Variants in FAAH2 observed in about 807,000 individuals in gnomAD.
FAAH2 encodes the protein fatty acid amide hydrolase 2, also known as fatty-acid amide hydrolase 2.
A neutral mutation model predicts 36.9 loss-of-function variants in FAAH2; 60 were observed. That is an observed-to-expected ratio of 1.63 (90% CI 1.32 to 2.02). The LOEUF is 2.02. Among genes scored for constraint, FAAH2 ranks in the 30% most tolerant of loss-of-function variants. The pLI is 0.00. For missense variants in FAAH2, 689 were observed against 397.5 expected, an observed-to-expected ratio of 1.73 and a Z score of -6.23; for synonymous variants, 214 against 143.8, an observed-to-expected ratio of 1.49 and a Z score of -3.49.
At chrX:57,209,339 G>A in the FAAH2 span, among the ~76,000 whole-genome samples, 1 of 112,201 alleles carries the variant, frequency 8.9e-6, no homozygotes, top group South Asian at 3.7e-4. Flanking sequence ...TCTTGATGTA[G>A]TACCTGGATA....
At chrX:57,452,489 A>G (rs1294767728) in intron 10 of FAAH2, 2 of 181,446 alleles carry the variant, frequency 1.1e-5, no homozygotes, top group Non-Finnish European at 1.7e-5. Context: ...TGAAATGTTC[A>G]TGTAGTCTAA....
chrX:57,242,286 C>T, the FAAH2 span, among the ~76,000 whole-genome samples: 2 of 112,671 alleles, frequency 1.8e-5, no homozygotes, highest in Non-Finnish European at 3.8e-5. Flanking sequence ...TGCTGTTCTG[C>T]AGCCTCTGCT....
At chrX:57,229,620 A>C in the FAAH2 span, among the ~76,000 whole-genome samples, 7 of 111,934 alleles carry the variant, frequency 6.3e-5, 1 homozygote, top group South Asian at 2.6e-3. Context: ...CTGGTACTGC[A>C]TGACTACTAT....
intron 2 of FAAH2, among the ~76,000 whole-genome samples, chrX:57,297,646 GAC>G (rs2052205506): frequency 2.2e-5 from 1 of 45,061 alleles, no homozygotes; most frequent in Non-Finnish European, 4.2e-5. Flanking sequence ...CCAATTAAAA[GAC>G]ACAGATTGGC....
the FAAH2 span, among the ~76,000 whole-genome samples, chrX:57,255,588 G>A: frequency 1.8e-5 from 2 of 111,815 alleles, no homozygotes; most frequent in African/African-American, 6.5e-5. Context: ...CAATAAAGTA[G>A]GCTTCATTCC....
intron 3 of FAAH2, among the ~76,000 whole-genome samples, chrX:57,325,122 T>A (rs2053171900): frequency 1.8e-5 from 2 of 112,367 alleles, no homozygotes; most frequent in African/African-American, 6.5e-5. Flanking sequence ...GTTGGTTCTG[T>A]TTATATGCTG....
chrX:57,441,328 G>C (rs745395295), intron 8 of FAAH2, among the ~76,000 whole-genome samples: 1 of 111,215 alleles, frequency 9.0e-6, no homozygotes, highest in African/African-American at 3.3e-5. Context: ...GTTTAGTCTT[G>C]GGAGGGTGTG....
At chrX:57,274,475 T>C in the FAAH2 span, among the ~76,000 whole-genome samples, 12 of 112,089 alleles carry the variant, frequency 1.1e-4, no homozygotes, top group Admixed American at 9.5e-4. Flanking sequence ...CAGACCAATA[T>C]TCCTGATAAA....
At chrX:57,213,570 T>C in the FAAH2 span, among the ~76,000 whole-genome samples, 4 of 112,001 alleles carry the variant, frequency 3.6e-5, no homozygotes, top group African/African-American at 6.5e-5. Context: ...TTTCCATTTT[T>C]ATTTTATCAT....
rs764426114 is a variant in FAAH2, at chrX:57,327,078, T to C, written c.413-4520T>C. ...AGCATTTGCTTGTCTGTAAAGGATTTTATTTCTCCTGCACTTATGAAGCTT... is the reference window on the plus strand; with the variant it reads ...AGCATTTGCTTGTCTGTAAAGGATTCTATTTCTCCTGCACTTATGAAGCTT... On this transcript the variant is annotated intron_variant, in intron 3 of 10. Transcript: ENST00000374900. Among the ~76,000 whole-genome samples the C allele has an allele frequency of 1.8e-3, 191 of 107,835 alleles. 1 individual carries two copies. Among genetic ancestry groups the C allele is most frequent in the Non-Finnish European group, 2.9e-3 (147 of 51,541 alleles). 93.6% of individuals were successfully genotyped at this position (107,835 alleles called of 115,157 possible). A position where few individuals can be genotyped will look rare whatever the true frequency, so the allele number is the denominator to read the frequency against.
chrX:57,194,644 A>G, the FAAH2 span, among the ~76,000 whole-genome samples: 1 of 110,180 alleles, frequency 9.1e-6, no homozygotes, highest in African/African-American at 3.3e-5. Flanking sequence ...TTACATGGAA[A>G]AGTTCTTTAG....
chrX:57,168,698 C>A, the FAAH2 span, among the ~76,000 whole-genome samples: 1 of 111,817 alleles, frequency 8.9e-6, no homozygotes, highest in Non-Finnish European at 1.9e-5. Context: ...CAGTACAGTG[C>A]TTATGTATAT....
chrX:57,420,937 T>C (rs756076295), intron 7 of FAAH2, among the ~76,000 whole-genome samples: 23 of 112,370 alleles, frequency 2.0e-4, no homozygotes, highest in Admixed American at 1.8e-3. Flanking sequence ...TGAAGGGTTG[T>C]TGAATTTTGT....
At chrX:57,473,647 T>C (rs2057209844) in intron 10 of FAAH2, among the ~76,000 whole-genome samples, 1 of 111,732 alleles carries the variant, frequency 8.9e-6, no homozygotes, top group Non-Finnish European at 1.9e-5. Flanking sequence ...TTGCTATCAA[T>C]CTATTTTCTT....
the FAAH2 span, among the ~76,000 whole-genome samples, chrX:57,150,135 T>C: frequency 8.9e-6 from 1 of 112,348 alleles, no homozygotes; most frequent in Non-Finnish European, 1.9e-5. Flanking sequence ...CAGTTTGTTA[T>C]AATGTCTCTT....
intron 7 of FAAH2, chrX:57,395,067 T>G (rs2055260777): frequency 1.8e-6 from 1 of 551,549 alleles, no homozygotes; most frequent in East Asian, 3.4e-5. Context: ...TCAGGTGCAA[T>G]AGCATTGATC....
In FAAH2 at chrX:57,378,733, T is replaced by C. The variant is rs1240507271; in HGVS notation, c.825T>C (p.Tyr275=). 8.3e-7 allele frequency: 1 copy of C among 1,210,959 alleles called. No homozygotes were observed. Among genetic ancestry groups the C allele is most frequent in the Non-Finnish European group, 1.1e-6 (1 of 895,028 alleles). ...TGTGCACTGGTCCTATGTGCCGTTATGCTGAAGACCTGGCCCCCATGTTGA... is the reference window on the plus strand; with the variant it reads ...TGTGCACTGGTCCTATGTGCCGTTACGCTGAAGACCTGGCCCCCATGTTGA... The part of the protein sequence containing the change: ...LFLCTGPMCR[Y]AEDLAPMLKV... The change falls in exon 6 of 11, where the codon TAT becomes TAC. Residue 275 remains tyrosine (Y), a synonymous_variant. Coordinates refer to ENST00000374900, the MANE Select transcript of FAAH2 (RefSeq NM_174912.4).
chrX:57,221,039 A>G, the FAAH2 span, among the ~76,000 whole-genome samples: 1 of 111,147 alleles, frequency 9.0e-6, no homozygotes, highest in Non-Finnish European at 1.9e-5. Context: ...GCTTTACCTA[A>G]TTTTTCAGGA....
At chrX:57,308,652 A>C (rs2052609456) in intron 2 of FAAH2, among the ~76,000 whole-genome samples, 1 of 111,776 alleles carries the variant, frequency 8.9e-6, no homozygotes, top group South Asian at 3.7e-4. Context: ...CAATACCTGA[A>C]ATATATCATT....
Sources: allele counts gnomAD v4.1 joint callset (sites outside exome capture counted in the v4.1 genomes callset), GRCh38; gene constraint gnomAD v4.1.1; transcripts MANE v1.5; gene names NCBI Gene and HGNC (gene_info 2026-07-23, HGNC 2026-07-21).